Variants in SLC17A1 observed in about 807,000 individuals in gnomAD.
SLC17A1 encodes sodium-dependent phosphate transport protein 1.
SLC17A1 carries 51 observed loss-of-function variants against 53.5 expected under a neutral mutation model. That is an observed-to-expected ratio of 0.95 (90% CI 0.76 to 1.20). SLC17A1 has a LOEUF of 1.20. Among genes scored for constraint, SLC17A1 ranks in the 50% most tolerant of loss-of-function variants. The pLI is 0.00. For synonymous variants in SLC17A1, 179 were observed against 198.8 expected (o/e 0.90, Z 0.84); for missense variants, 538 against 568.2 (o/e 0.95, Z 0.54).
the SLC17A1 span, among the ~76,000 whole-genome samples, chr6:25,739,717 T>A: frequency 1.3e-5 from 2 of 152,216 alleles, no homozygotes; most frequent in African/African-American, 4.8e-5. Flanking sequence ...TGATTCCATT[T>A]ATATAACATT....
intron 12 of SLC17A1, among the ~76,000 whole-genome samples, chr6:25,794,654 T>C (rs1006617288): frequency 1.3e-5 from 2 of 152,158 alleles, no homozygotes; most frequent in East Asian, 1.9e-4. Context: ...AAGGGTGACA[T>C]TGGACATCAA....
At chr6:25,816,546 T>G (rs925654005) in intron 6 of SLC17A1, among the ~76,000 whole-genome samples, 10 of 152,196 alleles carry the variant, frequency 6.6e-5, no homozygotes, top group African/African-American at 2.4e-4. Context: ...CTATCCACAG[T>G]GTGGAATCTA....
chr6:25,759,402 A>G, the SLC17A1 span, among the ~76,000 whole-genome samples: 5 of 152,154 alleles, frequency 3.3e-5, no homozygotes, highest in Non-Finnish European at 7.3e-5. Flanking sequence ...GGAGTACTGA[A>G]GTCCCCCACT....
chr6:25,739,325 G>A, the SLC17A1 span, among the ~76,000 whole-genome samples: 1 of 152,086 alleles, frequency 6.6e-6, no homozygotes, highest in Non-Finnish European at 1.5e-5. Context: ...ATTCATGAGG[G>A]CTCTACACTT....
chr6:25,781,012 C>T (rs1763254558), downstream of SLC17A1: 1 of 152,038 alleles, frequency 6.6e-6, no homozygotes, highest in Non-Finnish European at 1.5e-5. Context: ...TCTTGTGAGA[C>T]CTGGGCTCCA....
At chr6:25,823,796 T>C (rs1206823497) in intron 3 of SLC17A1, among the ~76,000 whole-genome samples, 2 of 152,098 alleles carry the variant, frequency 1.3e-5, no homozygotes, top group African/African-American at 4.8e-5. Context: ...TTATGTTTGT[T>C]CTTTTGCATA....
downstream of SLC17A1, chr6:25,779,182 CCT>C: frequency 1.2e-6 from 2 of 1,613,502 alleles, no homozygotes; most frequent in South Asian, 2.2e-5. Flanking sequence ...CATTCACCCA[CCT>C]CTGAGCAAAC....
the SLC17A1 span, chr6:25,726,685 G>T: frequency 1.8e-6 from 2 of 1,095,996 alleles, no homozygotes; most frequent in Non-Finnish European, 2.6e-6. Flanking sequence ...TTGCATTCAC[G>T]CCACTTCCCA....
At chr6:25,730,703 C>T in the SLC17A1 span, among the ~76,000 whole-genome samples, 126 of 152,292 alleles carry the variant, frequency 8.3e-4, no homozygotes, top group Non-Finnish European at 1.4e-3. Context: ...GCGATGTATA[C>T]ATATTTCAAA....
intron 12 of SLC17A1, among the ~76,000 whole-genome samples, chr6:25,798,134 C>T (rs1044762082): frequency 2.0e-5 from 3 of 152,184 alleles, no homozygotes; most frequent in Non-Finnish European, 4.4e-5. Flanking sequence ...TGATATTCAA[C>T]ACCTGGATCT....
chr6:25,801,809 G>C (rs1307479101), intron 10 of SLC17A1, among the ~76,000 whole-genome samples: 1 of 152,044 alleles, frequency 6.6e-6, no homozygotes, highest in Non-Finnish European at 1.5e-5. Flanking sequence ...TTAATTTGTG[G>C]GTCCCTGTTC....
the SLC17A1 span, chr6:25,773,228 A>G: frequency 2.1e-6 from 3 of 1,426,948 alleles, no homozygotes; most frequent in Non-Finnish European, 3.0e-6. Context: ...TCAAACTGAA[A>G]GAAGTACTTC....
the SLC17A1 span, among the ~76,000 whole-genome samples, chr6:25,725,518 G>GCCAGACA: frequency 1.3e-5 from 2 of 152,088 alleles, no homozygotes; most frequent in African/African-American, 4.8e-5. Context: ...GATGTTACCT[G>GCCAGACA]GATTTAAACA....
chr6:25,812,283 T>C (rs1340408933), intron 8 of SLC17A1, among the ~76,000 whole-genome samples: 1 of 152,184 alleles, frequency 6.6e-6, no homozygotes, highest in Non-Finnish European at 1.5e-5. Flanking sequence ...CCAGACAGAC[T>C]CCATTTCTAA....
chr6:25,726,384 T>A, the SLC17A1 span: 7 of 1,614,156 alleles, frequency 4.3e-6, no homozygotes, highest in Non-Finnish European at 5.1e-6. Flanking sequence ...AATACACTGG[T>A]GCGCCTGCCC....
At chr6:25,779,355 C>T (rs1763193707), downstream of SLC17A1, 2 of 850,550 alleles carry the variant, frequency 2.4e-6, no homozygotes, top group African/African-American at 1.7e-5. Flanking sequence ...AGAAAACACG[C>T]TAGTTATTTA....
the SLC17A1 span, chr6:25,773,348 C>G: frequency 6.2e-7 from 1 of 1,613,954 alleles, no homozygotes; most frequent in South Asian, 1.1e-5. Context: ...ATCCCTTTAT[C>G]AGTGCTGGTG....
the SLC17A1 span, among the ~76,000 whole-genome samples, chr6:25,738,183 T>C: frequency 1.1e-4 from 16 of 152,240 alleles, no homozygotes; most frequent in African/African-American, 3.9e-4. Context: ...TCAGGACTTA[T>C]TATATAATAT....
At chr6:25,783,359 C>A (rs1763308161) in intron 12 of SLC17A1, 141 bp from the exon 13 acceptor site, 1 of 152,180 alleles carries the variant, frequency 6.6e-6, no homozygotes, top group Admixed American at 6.6e-5. Context: ...GTCTTCCTTG[C>A]CTCAGTGATA....
Sources: allele counts gnomAD v4.1 joint callset (sites outside exome capture counted in the v4.1 genomes callset), GRCh38; gene constraint gnomAD v4.1.1; transcripts MANE v1.5; gene names NCBI Gene and HGNC (gene_info 2026-07-23, HGNC 2026-07-21).